WWOX: variants seen among roughly 807,000 people sequenced by gnomAD.
The protein encoded by WWOX is WW domain containing oxidoreductase.
In WWOX, 69 loss-of-function variants were observed where a neutral mutation model predicts 46.2. The observed-to-expected ratio is 1.49, with a 90% CI of 1.23 to 1.82. The LOEUF (loss-of-function observed/expected upper bound fraction) is 1.82, where lower values mean the gene tolerates loss of function less well. Ranked by LOEUF, WWOX falls within the 40% of genes most tolerant of loss-of-function variation. The pLI is 0.00. For missense variants in WWOX, 919 were observed against 542.6 expected (o/e 1.69, Z -6.89); for synonymous variants, 359 against 202.6 (o/e 1.77, Z -6.56).
intron 8 of WWOX, among the ~76,000 whole-genome samples, chr16:78,993,994 C>T (rs535397716): frequency 1.3e-5 from 2 of 152,314 alleles, no homozygotes; most frequent in South Asian, 2.1e-4. Flanking sequence ...TCCTAGAGAA[C>T]CCTGGAGCTA....
At chr16:79,145,205 G>A (rs1427002706) in intron 8 of WWOX, among the ~76,000 whole-genome samples, 1 of 152,002 alleles carries the variant, frequency 6.6e-6, no homozygotes, top group Non-Finnish European at 1.5e-5. Context: ...ATTTATTACA[G>A]CAACCAATTA....
intron 8 of WWOX, among the ~76,000 whole-genome samples, chr16:78,878,330 C>T (rs1484801925): frequency 6.6e-6 from 1 of 152,164 alleles, no homozygotes. Flanking sequence ...ACAGACTTTG[C>T]AGGCAGGCCC....
At chr16:79,133,743 C>T (rs2049928145) in intron 8 of WWOX, among the ~76,000 whole-genome samples, 1 of 152,132 alleles carries the variant, frequency 6.6e-6, no homozygotes, top group East Asian at 1.9e-4. Flanking sequence ...AGAAGTTTTC[C>T]TAATGGTGGC....
At chr16:78,669,566 A>C (rs1315544803) in intron 8 of WWOX, among the ~76,000 whole-genome samples, 1 of 152,218 alleles carries the variant, frequency 6.6e-6, no homozygotes, top group African/African-American at 2.4e-5. Flanking sequence ...CAAAATGTCA[A>C]CGTGCCCAGG....
chr16:78,171,606 C>T (rs950081464), intron 5 of WWOX, among the ~76,000 whole-genome samples: 8 of 152,158 alleles, frequency 5.3e-5, no homozygotes, highest in African/African-American at 1.2e-4. Context: ...TTGTTCTGAA[C>T]GATCTGTAGC....
intron 8 of WWOX, among the ~76,000 whole-genome samples, chr16:79,014,816 T>G (rs942023879): frequency 1.3e-5 from 2 of 152,202 alleles, no homozygotes; most frequent in Admixed American, 6.5e-5. Context: ...GTTTCCTACT[T>G]TTGTTCAACT....
At chr16:78,803,478 G>A (rs919528492) in intron 8 of WWOX, among the ~76,000 whole-genome samples, 7 of 151,996 alleles carry the variant, frequency 4.6e-5, no homozygotes, top group African/African-American at 1.5e-4. Context: ...ACAGGGTCTC[G>A]CTGTGTTGCC....
chr16:78,871,086 A>C (rs970450479), intron 8 of WWOX, among the ~76,000 whole-genome samples: 6 of 152,210 alleles, frequency 3.9e-5, no homozygotes, highest in Admixed American at 3.9e-4. Flanking sequence ...TCATAGAAGC[A>C]ATTCAGTAAA....
chr16:78,630,711 G>C (rs374986164), intron 8 of WWOX, among the ~76,000 whole-genome samples: 1 of 152,162 alleles, frequency 6.6e-6, no homozygotes, highest in Admixed American at 6.5e-5. Flanking sequence ...AGCCATGAGT[G>C]TGACCGTATG....
intron 6 of WWOX, among the ~76,000 whole-genome samples, chr16:78,424,043 G>GT (rs2083016201): frequency 6.6e-6 from 1 of 150,850 alleles, no homozygotes; most frequent in South Asian, 2.1e-4. Flanking sequence ...CAGCTAGCAA[G>GT]TGCTGGGTCC....
Position 79,131,370 on chromosome 16 carries a change from A to C in WWOX, c.1057-80238A>C, listed in dbSNP as rs143620128. 7.4e-3 allele frequency among the ~76,000 whole-genome samples: 1,132 copies of C among 152,318 alleles called. 16 individuals carry two copies. Among genetic ancestry groups the C allele is most frequent in the African/African-American group, 0.025 (1,037 of 41,574 alleles). On this transcript the variant is annotated intron_variant, in intron 8 of 8. Transcript: ENST00000566780. ...AGGACACAAAGAGAGCCTGAAAAGC[A>C]GGAGGCTTTGAGGTCTTTTTTTCCC... is the stretch of plus-strand genomic sequence containing the variant.
At chr16:78,754,579 T>A (rs532923343) in intron 8 of WWOX, among the ~76,000 whole-genome samples, 1 of 152,298 alleles carries the variant, frequency 6.6e-6, no homozygotes, top group African/African-American at 2.4e-5. Context: ...ATTCATTTTC[T>A]CATTTATCAA....
intron 4 of WWOX, chr16:78,123,430 T>TTTTTGTTTTG (rs1167977687): frequency 7.1e-5 from 9 of 126,508 alleles, no homozygotes; most frequent in Admixed American, 2.7e-4. Flanking sequence ...TTTTCTTTGT[T>TTTTTGTTTTG]TTTTGTTTTG....
intron 8 of WWOX, among the ~76,000 whole-genome samples, chr16:78,546,513 C>T (rs1007745665): frequency 1.3e-5 from 2 of 152,108 alleles, no homozygotes; most frequent in Non-Finnish European, 2.9e-5. Context: ...AATTACCTTG[C>T]CCAAGAAAAG....
At chr16:78,513,632 C>G (rs994841031) in intron 8 of WWOX, among the ~76,000 whole-genome samples, 1 of 152,114 alleles carries the variant, frequency 6.6e-6, no homozygotes, top group Admixed American at 6.5e-5. Flanking sequence ...GCCTGTGAGT[C>G]CCACTGATAC....
At chr16:78,712,034 G>A (rs1033237752) in intron 8 of WWOX, among the ~76,000 whole-genome samples, 15 of 152,196 alleles carry the variant, frequency 9.9e-5, no homozygotes, top group South Asian at 8.3e-4. Context: ...ATCATAGGGC[G>A]CCTGAGCTCT....
At chr16:79,154,916 G>T (rs980784741) in intron 8 of WWOX, among the ~76,000 whole-genome samples, 1 of 152,074 alleles carries the variant, frequency 6.6e-6, no homozygotes, top group Non-Finnish European at 1.5e-5. Flanking sequence ...TGGAAAAAAT[G>T]AAAGAAAGAA....
At chr16:78,913,975 A>T (rs1028649546) in intron 8 of WWOX, among the ~76,000 whole-genome samples, 1 of 151,980 alleles carries the variant, frequency 6.6e-6, no homozygotes, top group African/African-American at 2.4e-5. Flanking sequence ...CTGCTATTCC[A>T]GACAAGAAAT....
At chr16:78,925,582 A>G (rs553344870) in intron 8 of WWOX, among the ~76,000 whole-genome samples, 32 of 152,326 alleles carry the variant, frequency 2.1e-4, no homozygotes, top group African/African-American at 6.5e-4. Context: ...AAGGGGTAGT[A>G]TTACAGGGAG....
Sources: allele counts gnomAD v4.1 joint callset (sites outside exome capture counted in the v4.1 genomes callset), GRCh38; gene constraint gnomAD v4.1.1; transcripts MANE v1.5; gene names NCBI Gene and HGNC (gene_info 2026-07-23, HGNC 2026-07-21).